The following PRELID2 variants were observed in gnomAD, a reference collection of about 807,000 sequenced individuals.
The protein encoded by PRELID2 is PRELI domain-containing protein 2.
In PRELID2, 25 loss-of-function variants were observed where a neutral mutation model predicts 28.4. The ratio of observed to expected loss-of-function variants is 0.88; its 90% confidence interval spans 0.64 to 1.23. PRELID2 has a LOEUF of 1.23. Among genes scored for constraint, PRELID2 ranks in the 50% most tolerant of loss-of-function variants. The probability of loss-of-function intolerance (pLI) is 0.00; values close to 1 mark genes in which losing one functional copy is unlikely to be tolerated. For synonymous variants in PRELID2, 76 were observed against 71.6 expected (o/e 1.06, Z -0.31); for missense variants, 201 against 214.4 (o/e 0.94, Z 0.39).
the PRELID2 span, among the ~76,000 whole-genome samples, chr5:145,445,225 C>T: frequency 6.6e-6 from 1 of 151,992 alleles, no homozygotes; most frequent in Non-Finnish European, 1.5e-5. Flanking sequence ...GAAATGAATC[C>T]AAGTATCCAC....
At chr5:145,653,077 C>T (rs1043642528) in intron 1 of PRELID2, among the ~76,000 whole-genome samples, 7 of 150,778 alleles carry the variant, frequency 4.6e-5, no homozygotes, top group African/African-American at 1.7e-4. Flanking sequence ...AAATGGAAAA[C>T]AAAAAAAGGC....
the PRELID2 span, among the ~76,000 whole-genome samples, chr5:145,386,259 G>A: frequency 1.3e-5 from 2 of 152,028 alleles, no homozygotes; most frequent in African/African-American, 2.4e-5. Context: ...CATGAGAACA[G>A]CATGGAGGTG....
At chr5:145,371,596 G>A in the PRELID2 span, among the ~76,000 whole-genome samples, 1 of 152,130 alleles carries the variant, frequency 6.6e-6, no homozygotes, top group East Asian at 1.9e-4. Flanking sequence ...TCTCTTCCCG[G>A]TTTTGGTATC....
the PRELID2 span, among the ~76,000 whole-genome samples, chr5:145,389,743 C>T: frequency 6.6e-6 from 1 of 152,112 alleles, no homozygotes; most frequent in Non-Finnish European, 1.5e-5. Flanking sequence ...AGTTAGGTTG[C>T]TCACTTTGTC....
chr5:145,804,053 C>T (rs930530157), intron 4 of PRELID2, among the ~76,000 whole-genome samples: 1 of 152,142 alleles, frequency 6.6e-6, no homozygotes, highest in Non-Finnish European at 1.5e-5. Flanking sequence ...GTTCTTCTAA[C>T]CCATCCCAGA....
the PRELID2 span, among the ~76,000 whole-genome samples, chr5:145,310,430 C>A: frequency 6.6e-6 from 1 of 152,102 alleles, no homozygotes; most frequent in Non-Finnish European, 1.5e-5. Flanking sequence ...TTCTAAGTGG[C>A]CAGATGCCCT....
chr5:145,380,856 A>G, the PRELID2 span, among the ~76,000 whole-genome samples: 1 of 152,220 alleles, frequency 6.6e-6, no homozygotes, highest in Admixed American at 6.5e-5. Context: ...AAGGGTCTTG[A>G]TAAGTGTTAT....
the PRELID2 span, among the ~76,000 whole-genome samples, chr5:145,297,647 G>A: frequency 6.6e-6 from 1 of 151,588 alleles, no homozygotes; most frequent in African/African-American, 2.4e-5. Flanking sequence ...GGAAATAAAG[G>A]GTATTCAATT....
At chr5:145,687,503 G>A (rs1395194719) in intron 1 of PRELID2, among the ~76,000 whole-genome samples, 1 of 152,172 alleles carries the variant, frequency 6.6e-6, no homozygotes, top group East Asian at 1.9e-4. Flanking sequence ...AATGCAACAT[G>A]TGATCCTGGA....
chr5:145,628,791 A>G (rs75460433), intron 1 of PRELID2, among the ~76,000 whole-genome samples: 3,070 of 152,270 alleles, frequency 0.02, 116 homozygotes, highest in African/African-American at 0.07. Flanking sequence ...GAACCATGAT[A>G]TAAATCCTGA....
the PRELID2 span, among the ~76,000 whole-genome samples, chr5:145,342,025 C>T: frequency 3.7e-4 from 57 of 152,186 alleles, no homozygotes; most frequent in African/African-American, 1.3e-3. Context: ...TGTCTAGTCA[C>T]CTACAAAGGA....
At chr5:145,284,131 CAT>C in the PRELID2 span, among the ~76,000 whole-genome samples, 1 of 152,146 alleles carries the variant, frequency 6.6e-6, no homozygotes, top group East Asian at 1.9e-4. Flanking sequence ...ATATCTTCCT[CAT>C]GTGTTTATTC....
intron 1 of PRELID2, among the ~76,000 whole-genome samples, chr5:145,696,816 T>C (rs989109061): frequency 5.9e-5 from 9 of 151,940 alleles, no homozygotes; most frequent in Non-Finnish European, 1.2e-4. Flanking sequence ...CCCAGCAATT[T>C]GTTGAGAACT....
At chr5:145,761,457 C>T (rs572664396) in intron 6 of PRELID2, among the ~76,000 whole-genome samples, 9 of 152,240 alleles carry the variant, frequency 5.9e-5, no homozygotes, top group South Asian at 2.1e-4. Flanking sequence ...AAAGTGTTGA[C>T]GTTAGAGCTA....
the PRELID2 span, among the ~76,000 whole-genome samples, chr5:145,301,643 A>T: frequency 6.6e-6 from 1 of 152,134 alleles, no homozygotes; most frequent in Non-Finnish European, 1.5e-5. Flanking sequence ...CTTAGCTCTT[A>T]TGTTTATATC....
the PRELID2 span, among the ~76,000 whole-genome samples, chr5:145,455,412 G>C: frequency 6.6e-6 from 1 of 152,118 alleles, no homozygotes; most frequent in Non-Finnish European, 1.5e-5. Context: ...GCTTAGGATT[G>C]TCTTGGCTAT....
chr5:145,687,159 G>C (rs1755053332), intron 1 of PRELID2, among the ~76,000 whole-genome samples: 1 of 152,184 alleles, frequency 6.6e-6, no homozygotes, highest in South Asian at 2.1e-4. Flanking sequence ...CAATACTACT[G>C]TTATTTAACA....
At chr5:145,817,637 A>G (rs566014525) in intron 4 of PRELID2, among the ~76,000 whole-genome samples, 2 of 152,116 alleles carry the variant, frequency 1.3e-5, no homozygotes, top group South Asian at 4.2e-4. Context: ...CAGCAAACTG[A>G]TAACACTCAC....
At chr5:145,516,465 C>T (rs1752517986) in intron 1 of PRELID2, among the ~76,000 whole-genome samples, 1 of 152,100 alleles carries the variant, frequency 6.6e-6, no homozygotes, top group African/African-American at 2.4e-5. Flanking sequence ...GAACTACAAA[C>T]CACTGCTCAA....
Sources: allele counts gnomAD v4.1 joint callset (sites outside exome capture counted in the v4.1 genomes callset), GRCh38; gene constraint gnomAD v4.1.1; transcripts MANE v1.5; gene names NCBI Gene and HGNC (gene_info 2026-07-23, HGNC 2026-07-21).